LRRC74A: variants seen among roughly 807,000 people sequenced by gnomAD.
LRRC74A encodes the protein leucine-rich repeat-containing protein 74A.
In LRRC74A, 44 loss-of-function variants were observed where a neutral mutation model predicts 57.9. That is an observed-to-expected ratio of 0.76 (90% CI 0.60 to 0.98). LRRC74A has a LOEUF of 0.98. LRRC74A is among the 50% of genes least tolerant of loss of function. The pLI is 0.00. For missense variants in LRRC74A, 572 were observed against 574.0 expected, an observed-to-expected ratio of 1.00 and a Z score of 0.04; for synonymous variants, 211 against 219.4, an observed-to-expected ratio of 0.96 and a Z score of 0.34.
At chr14:76,866,628 C>T (rs887330770) in intron 12 of LRRC74A, among the ~76,000 whole-genome samples, 12 of 152,060 alleles carry the variant, frequency 7.9e-5, no homozygotes, top group Middle Eastern at 3.4e-3. Flanking sequence ...AGTCGGTGCC[C>T]GGTGCCCAGG....
intron 10 of LRRC74A, among the ~76,000 whole-genome samples, chr14:76,860,006 T>C (rs1488807681): frequency 1.3e-5 from 2 of 152,140 alleles, no homozygotes; most frequent in Admixed American, 1.3e-4. Flanking sequence ...TTGTCAACAA[T>C]GCCTCCATAA....
At chr14:76,828,705 T>G (rs1825078345) in intron 2 of LRRC74A, 2 of 523,504 alleles carry the variant, frequency 3.8e-6, no homozygotes, top group Non-Finnish European at 7.4e-6. Context: ...TCTAATCTTC[T>G]AAATGTTTCC....
At chr14:76,868,982 A>C (rs2140320327) in intron 13 of LRRC74A, among the ~76,000 whole-genome samples, 1 of 152,322 alleles carries the variant, frequency 6.6e-6, no homozygotes, top group South Asian at 2.1e-4. Flanking sequence ...GGACACTGGC[A>C]TCCAGCAAGA....
chr14:76,837,800 A>G (rs1325380426), intron 4 of LRRC74A, 75 bp from the exon 5 acceptor site: 20 of 872,384 alleles, frequency 2.3e-5, no homozygotes, highest in Admixed American at 1.1e-4. Flanking sequence ...CAAGTAAACC[A>G]CAAAAGACAT....
At chr14:76,864,561 T>C (rs1449388935) in intron 11 of LRRC74A, among the ~76,000 whole-genome samples, 1 of 151,964 alleles carries the variant, frequency 6.6e-6, no homozygotes, top group Non-Finnish European at 1.5e-5. Context: ...AAGAATATTG[T>C]AATATTGTAA....
intron 2 of LRRC74A, 93 bp from the exon 3 acceptor site, chr14:76,831,110 A>G: frequency 7.8e-7 from 1 of 1,274,994 alleles, no homozygotes; most frequent in Non-Finnish European, 1.1e-6. Flanking sequence ...CTGGCAGAGG[A>G]CAGTCTAGAC....
At chr14:76,852,485 A>C (rs368526708) in intron 8 of LRRC74A, 35 bp downstream of exon 8, 7 of 1,493,342 alleles carry the variant, frequency 4.7e-6, no homozygotes, top group Admixed American at 3.8e-5. Flanking sequence ...TGTGGAGCCC[A>C]GTTGAGGACA....
intron 3 of LRRC74A, among the ~76,000 whole-genome samples, chr14:76,834,321 G>A (rs1014857680): frequency 1.3e-5 from 2 of 152,182 alleles, no homozygotes; most frequent in Admixed American, 1.3e-4. Flanking sequence ...GGATGATAAT[G>A]ACATCCTCTC....
chr14:76,840,249 C>T (rs900259811), intron 5 of LRRC74A, among the ~76,000 whole-genome samples: 1 of 152,058 alleles, frequency 6.6e-6, no homozygotes, highest in African/African-American at 2.4e-5. Context: ...GACTGGCCCC[C>T]CTGGGCAACA....
intron 9 of LRRC74A, among the ~76,000 whole-genome samples, chr14:76,855,758 A>G (rs72721323): frequency 0.059 from 8,955 of 152,264 alleles, 318 homozygotes; most frequent in African/African-American, 0.083. Context: ...GCTGACATAT[A>G]CTAGGGGCTC....
intron 13 of LRRC74A, among the ~76,000 whole-genome samples, chr14:76,869,141 C>T (rs1595414363): frequency 1.3e-5 from 2 of 151,794 alleles, no homozygotes; most frequent in Non-Finnish European, 2.9e-5. Flanking sequence ...TCCTCACCTG[C>T]CCCGTACCTA....
chr14:76,828,825 G>A, intron 2 of LRRC74A: 1 of 410,794 alleles, frequency 2.4e-6, no homozygotes, highest in Non-Finnish European at 4.7e-6. Flanking sequence ...CATTGCCCAG[G>A]GACAGCGGGA....
chr14:76,827,790 C>G (rs1273236754), intron 1 of LRRC74A, among the ~76,000 whole-genome samples: 1 of 152,206 alleles, frequency 6.6e-6, no homozygotes, highest in Non-Finnish European at 1.5e-5. Context: ...CAAGTTCTCT[C>G]TCTTGCTCTC....
chr14:76,857,927 G>T (rs1216513897), intron 10 of LRRC74A, among the ~76,000 whole-genome samples: 1 of 152,130 alleles, frequency 6.6e-6, no homozygotes, highest in Non-Finnish European at 1.5e-5. Flanking sequence ...AGTATTTCTG[G>T]GTGAAAATCT....
intron 2 of LRRC74A, chr14:76,828,872 C>G (rs770813376): frequency 1.8e-6 from 1 of 541,820 alleles, no homozygotes; most frequent in African/African-American, 2.0e-5. Context: ...GTGTTTGACT[C>G]ACTCTGATGG....
At chr14:76,858,463 C>T (rs551722203) in intron 10 of LRRC74A, among the ~76,000 whole-genome samples, 13 of 152,334 alleles carry the variant, frequency 8.5e-5, no homozygotes, top group African/African-American at 2.4e-4. Flanking sequence ...CTCATTTTAA[C>T]TTGACCATCT....
At chr14:76,856,986 GA>G (rs1897939728) in intron 9 of LRRC74A, among the ~76,000 whole-genome samples, 1 of 151,290 alleles carries the variant, frequency 6.6e-6, no homozygotes, top group Non-Finnish European at 1.5e-5. Flanking sequence ...TGGATGGATG[GA>G]TGGATGGATG....
At chr14:76,847,498 A>G (rs112804484) in intron 7 of LRRC74A, among the ~76,000 whole-genome samples, 5 of 152,190 alleles carry the variant, frequency 3.3e-5, no homozygotes, top group African/African-American at 1.2e-4. Flanking sequence ...ATGAGAACAC[A>G]CGAACACAGA....
At chr14:76,861,109 G>A (rs924686541) in intron 11 of LRRC74A, among the ~76,000 whole-genome samples, 6 of 152,182 alleles carry the variant, frequency 3.9e-5, no homozygotes, top group African/African-American at 7.2e-5. Flanking sequence ...ATCCCACCCG[G>A]ACTCCTCCAC....
Sources: gnomAD v4.1 joint callset for allele counts (sites outside exome capture counted in the v4.1 genomes callset) on GRCh38, gnomAD v4.1.1 for gene constraint, MANE v1.5 for transcripts, NCBI Gene and HGNC (gene_info 2026-07-23, HGNC 2026-07-21) for gene names.